Variants in TMEM201 observed in about 807,000 individuals in gnomAD.
TMEM201 encodes transmembrane protein 201.
TMEM201 carries 26 observed loss-of-function variants against 63.4 expected under a neutral mutation model. The ratio of observed to expected loss-of-function variants is 0.41; its 90% CI spans 0.30 to 0.57. The LOEUF (loss-of-function observed/expected upper bound fraction) is 0.57. Ranked by LOEUF, TMEM201 falls within the 20% of genes least tolerant of loss-of-function variation. The pLI is 0.29. For missense variants in TMEM201, 794 were observed against 917.7 expected (o/e 0.87, Z 1.74); for synonymous variants, 417 against 421.6 (o/e 0.99, Z 0.14).
rs1557565924 is a variant in TMEM201, at chr1:9,613,888, T to C, written c.*805T>C. On this transcript the variant is annotated 3_prime_UTR_variant, in exon 11 of 11. Coordinates refer to ENST00000340381, the MANE Select transcript of TMEM201 (RefSeq NM_001130924.3). ...CAGGCTGGCGGGGGGCCTTCAGATC[T>C]CAGATGAGACTGCACCCCTTCGACC... is the stretch of plus-strand genomic sequence containing the variant. 2.6e-5 allele frequency: 4 copies of C among 152,238 alleles called. No homozygotes were observed. Among genetic ancestry groups the C allele is most frequent in the Admixed American group, 2.0e-4 (3 of 15,274 alleles). The allele number at this position is 152,238 out of a possible 1,614,324, so 9.4% of individuals were successfully genotyped here.
chr1:9,611,782 G>A lies in TMEM201; in HGVS notation c.1795G>A (p.Ala599Thr), dbSNP rs960408165. 1.3e-6 allele frequency: 2 copies of A among 1,551,264 alleles called. No individual in the cohort carries two copies. Among genetic ancestry groups the A allele is most frequent in the East Asian group, 2.4e-5 (1 of 40,914 alleles). The change falls in exon 10 of 11, where the codon GCC becomes ACC. Residue 599 changes from alanine to threonine, a missense_variant. Coordinates refer to ENST00000340381, the MANE Select transcript of TMEM201 (RefSeq NM_001130924.3). ...DLRSKLERGS[A>T]CSNRSIKKED... Reference sequence around the variant, plus strand: ...GAGATCCAAGCTGGAAAGAGGCAGTGCCTGCAGCAACCGCTCCATCAAGAA... The same window carrying A: ...GAGATCCAAGCTGGAAAGAGGCAGTACCTGCAGCAACCGCTCCATCAAGAA...
chr1:9,604,971 G>C lies in TMEM201; in HGVS notation c.1161-2586G>C. 5 of 985,868 alleles carry C rather than the reference G, an allele frequency of 5.1e-6. No individual in the cohort carries two copies. The highest frequency in any genetic ancestry group is 6.0e-6 in the Non-Finnish European group (5 of 829,976). The allele number at this position is 985,868 out of a possible 1,614,324, so 61.1% of individuals were successfully genotyped here. ...TTTACCCGCTGGCGTCAGGTGCCGCGTCTTTCTTCTTTTTTCTTTCTTTCA... is the reference window on the plus strand; with the variant it reads ...TTTACCCGCTGGCGTCAGGTGCCGCCTCTTTCTTCTTTTTTCTTTCTTTCA... On this transcript the variant is annotated intron_variant, in intron 6 of 10. Coordinates refer to ENST00000340381, the MANE Select transcript of TMEM201 (RefSeq NM_001130924.3). This position sits in a 1 kb window ranked among gnomAD's most constrained non-coding sequence, Gnocchi z 4.1.
intron 4 of TMEM201, 41 bp from the exon 5 acceptor site, chr1:9,601,064 T>C: frequency 6.5e-7 from 1 of 1,535,230 alleles, no homozygotes. Flanking sequence ...GGGGTGGCTC[T>C]GTGGCCGTCT....
At chr1:9,597,776 G>T (rs997323764) in intron 3 of TMEM201, among the ~76,000 whole-genome samples, 16 of 152,230 alleles carry the variant, frequency 1.1e-4, no homozygotes, top group Non-Finnish European at 2.1e-4. Flanking sequence ...TGGGGAACCT[G>T]CGAGAAGGGG....
intron 7 of TMEM201, among the ~76,000 whole-genome samples, chr1:9,609,508 T>C (rs1452746636): frequency 1.3e-5 from 2 of 152,144 alleles, no homozygotes; most frequent in Non-Finnish European, 2.9e-5. Flanking sequence ...GTGGACAATA[T>C]GCCCAGTGCC....
chr1:9,598,344 C>G, intron 3 of TMEM201, 105 bp from the exon 4 acceptor site: 2 of 1,384,494 alleles, frequency 1.4e-6, no homozygotes. Context: ...CCCCGGTCAT[C>G]CCCTAGTAAG....
intron 6 of TMEM201, chr1:9,602,870 G>A: frequency 1.0e-6 from 1 of 985,716 alleles, no homozygotes. Flanking sequence ...AGGTGGTGGA[G>A]CCGTGAAGGA....
Position 9,598,503 on chromosome 1 carries a change from A to G in TMEM201, c.484A>G (p.Lys162Glu), listed in dbSNP as rs1278452381. Residue 162 changes from lysine to glutamate, a missense_variant, in exon 4 of 11, where the codon AAG (lysine) becomes GAG (glutamate). Physicochemically the swap from Lys to Glu is moderately conservative, Grantham distance 56. Coordinates refer to ENST00000340381, the MANE Select transcript of TMEM201 (RefSeq NM_001130924.3). ...VYRHHLEQMY[K>E]LCRPCQAAVE... ...CCGGCATCACCTGGAGCAGATGTAC[A>G]AGCTGTGCCGGCCGTGCCAAGCGGC... 6.2e-7 allele frequency: 1 copy of G among 1,613,886 alleles called. No homozygotes were observed. Among genetic ancestry groups the G allele is most frequent in the Admixed American group, 1.7e-5 (1 of 60,008 alleles).
intron 1 of TMEM201, among the ~76,000 whole-genome samples, chr1:9,590,249 T>A (rs1643898632): frequency 6.6e-6 from 1 of 152,134 alleles, no homozygotes; most frequent in Non-Finnish European, 1.5e-5. Flanking sequence ...AGGACCAGCT[T>A]GTCCAAGCCG....
chr1:9,598,692 G>A, intron 4 of TMEM201, 67 bp downstream of exon 4: 1 of 1,526,000 alleles, frequency 6.6e-7, no homozygotes, highest in Non-Finnish European at 8.9e-7. Flanking sequence ...CTCCCAGGAG[G>A]CTGGGCACTA....
Position 9,613,090 on chromosome 1 carries a change from G to C in TMEM201, c.*7G>C. 6.5e-7 allele frequency: 1 copy of C among 1,550,200 alleles called. No individual in the cohort carries two copies. Among genetic ancestry groups the C allele is most frequent in the Non-Finnish European group, 8.7e-7 (1 of 1,146,938 alleles). ...GTACCAGAGCCTGCGCTGACCCACC[G>C]TTGGAGCCCCTCGGAGGGGAGCAAC... On this transcript the variant is annotated 3_prime_UTR_variant, in exon 11 of 11. Coordinates refer to ENST00000340381, the MANE Select transcript of TMEM201 (RefSeq NM_001130924.3).
In TMEM201 at chr1:9,596,927, G is replaced by T; in HGVS notation, c.303G>T (p.Ala101=). 1 of 1,612,648 alleles carries T rather than the reference G, an allele frequency of 6.2e-7. No homozygotes were observed. The change falls in exon 3 of 11, where the codon GCG becomes GCT. Residue 101 remains alanine, a synonymous_variant. Coordinates refer to ENST00000340381, the MANE Select transcript of TMEM201 (RefSeq NM_001130924.3). The part of the protein sequence containing the change: ...LEHLNHVVSS[A]PSLRDPSQPQ... Reference sequence around the variant, plus strand: ...ACCTGAACCACGTGGTGAGCAGCGCGCCCAGCCTGCGCGACCCTTCGCAGC... The same window carrying T: ...ACCTGAACCACGTGGTGAGCAGCGCTCCCAGCCTGCGCGACCCTTCGCAGC...
At chr1:9,609,015 C>T (rs1255731857) in intron 7 of TMEM201, among the ~76,000 whole-genome samples, 1 of 152,180 alleles carries the variant, frequency 6.6e-6, no homozygotes, top group Admixed American at 6.5e-5. Flanking sequence ...GGCTCAGGTG[C>T]TGTGGCCAGA....
At chr1:9,606,119 G>A (rs1000135174) in intron 6 of TMEM201, 1 of 152,256 alleles carries the variant, frequency 6.6e-6, no homozygotes, top group Non-Finnish European at 1.5e-5. Context: ...TGAAGTCGCT[G>A]CGCTGTCCCG....
chr1:9,596,304 C>A lies in TMEM201; in HGVS notation c.234+294C>A, dbSNP rs529080250. On this transcript the variant is annotated intron_variant, in intron 2 of 10. Transcript: ENST00000340381. Reference sequence around the variant, plus strand: ...GCAGATTTGGGGTTCACACCCAGGTCTTTCTGGCTCTGCATCTCATTCTCT... The same window carrying A: ...GCAGATTTGGGGTTCACACCCAGGTATTTCTGGCTCTGCATCTCATTCTCT... Among the ~76,000 whole-genome samples, 2 of 152,386 alleles carry A rather than the reference C, an allele frequency of 1.3e-5. 1 individual carries two copies. Among genetic ancestry groups the A allele is most frequent in the East Asian group, 3.9e-4 (2 of 5,194 alleles).
At chr1:9,597,170 CA>C in intron 3 of TMEM201, 117 bp downstream of exon 3, 1 of 1,243,572 alleles carries the variant, frequency 8.0e-7, no homozygotes, top group Non-Finnish European at 1.1e-6. Context: ...CTCTGCTAGA[CA>C]GCGGCTTTTC....
rs1422874008 is a variant in TMEM201, at chr1:9,607,772, C to G, written c.1376C>G (p.Pro459Arg). 6 of 1,551,410 alleles carry G rather than the reference C, an allele frequency of 3.9e-6. No homozygotes were observed. The Admixed American group carries it at 7.8e-5, about 20-fold the overall frequency. ...LSRALSLGTIPSLTRADSGYL... is the reference protein window; with the variant it reads ...LSRALSLGTIRSLTRADSGYL... Reference sequence around the variant, plus strand: ...CGGGCCCTCTCTCTGGGAACCATACCCTCTCTGACTCGAGCAGGTAAGGGG... The same window carrying G: ...CGGGCCCTCTCTCTGGGAACCATACGCTCTCTGACTCGAGCAGGTAAGGGG... Residue 459 changes from proline (P) to arginine (R), a missense_variant, in exon 7 of 11, where the codon CCC becomes CGC. By Grantham distance (103) the Pro-to-Arg change is moderately radical. Coordinates refer to ENST00000340381, the MANE Select transcript of TMEM201 (RefSeq NM_001130924.3). This position sits in a 1 kb window ranked among gnomAD's most constrained non-coding sequence, Gnocchi z 5.4.
At position 9,603,660 on chromosome 1, in the gene TMEM201, T is replaced by G; in HGVS notation, c.1160+1388T>G. 4.1e-6 allele frequency: 4 copies of G among 985,150 alleles called. 1 individual carries two copies. The South Asian group carries it at 1.4e-4, about 35-fold the overall frequency. The allele number at this position is 985,150 out of a possible 1,614,324, so 61.0% of individuals were successfully genotyped here. A position where few individuals can be genotyped will look rare whatever the true frequency, so the allele number is the denominator to read the frequency against. On this transcript the variant is annotated intron_variant, in intron 6 of 10. Transcript: ENST00000340381. The surrounding 1 kb of genome is among the most constrained non-coding windows in gnomAD (Gnocchi z 4.5). ...GTCACCTGGGTCTGCCGGGATGGGT[T>G]GGGGGGGCAGGTGCCAGGCCTCACT...
chr1:9,604,590 G>C lies in TMEM201; in HGVS notation c.1160+2318G>C. On this transcript the variant is annotated intron_variant, in intron 6 of 10. Coordinates refer to ENST00000340381, the MANE Select transcript of TMEM201 (RefSeq NM_001130924.3). The surrounding 1 kb of genome is among the most constrained non-coding windows in gnomAD (Gnocchi z 4.1). The stretch of plus-strand genomic sequence containing the variant: ...TTGGGATGGCCATCAGACCTTCTAG[G>C]GTCTGGCTGGGGTCATCCTAGGTAT... 1 of 985,428 alleles carries C rather than the reference G, an allele frequency of 1.0e-6. No homozygotes were observed. Among genetic ancestry groups the C allele is most frequent in the Non-Finnish European group, 1.2e-6 (1 of 829,924 alleles). The allele number at this position is 985,428 out of a possible 1,614,324, so 61.0% of individuals were successfully genotyped here. A position where few individuals can be genotyped will look rare whatever the true frequency, so the allele number is the denominator to read the frequency against.
Sources: gnomAD v4.1 joint callset for allele counts (sites outside exome capture counted in the v4.1 genomes callset) on GRCh38, gnomAD v4.1.1 for gene constraint, Gnocchi (gnomAD v3.1) non-coding constraint, MANE v1.5 for transcripts, NCBI Gene and HGNC (gene_info 2026-07-23, HGNC 2026-07-21) for gene names.